Variants in RBAK observed in about 807,000 individuals in gnomAD.
The protein encoded by RBAK is RB-associated KRAB zinc finger protein.
A neutral mutation model predicts 65.8 loss-of-function variants in RBAK; 39 were observed. The ratio of observed to expected loss-of-function variants is 0.59; its 90% confidence interval spans 0.46 to 0.77. The LOEUF is 0.77. Among genes scored for constraint, RBAK ranks in the 30% least tolerant of loss-of-function variants. The pLI is 0.00. For missense variants in RBAK, 884 were observed against 855.1 expected, an observed-to-expected ratio of 1.03 and a Z score of -0.42; for synonymous variants, 343 against 289.7, an observed-to-expected ratio of 1.18 and a Z score of -1.87.
chr7:5,063,577 A>T (rs1779132766), intron 4 of RBAK, 118 bp from the exon 5 acceptor site: 1 of 724,756 alleles, frequency 1.4e-6, no homozygotes, highest in Non-Finnish European at 2.2e-6. Flanking sequence ...ATTTTTATTT[A>T]TGGAGATTGG....
In RBAK at chr7:5,064,862, ATTCAGCC is replaced by A; in HGVS notation, c.1411_1417del (p.Ala471LeufsTer34). 6.2e-7 allele frequency: 1 copy of A among 1,614,054 alleles called. No homozygotes were observed. Among genetic ancestry groups the A allele is most frequent in the African/African-American group, 1.3e-5 (1 of 75,054 alleles). ...GAATGTGGCAAAACCTTCAATTTAA[ATTCAGCC>A]TTCATTAGACATCGGAAAGTACACA... On this transcript the variant is annotated frameshift_variant, in exon 5 of 5. Transcript: ENST00000396912. LOFTEE classifies it high-confidence loss of function. The surrounding 1 kb of genome is among the most constrained non-coding windows in gnomAD (Gnocchi z 6.3).
Position 5,063,442 on chromosome 7 carries a change from C to G in RBAK, c.239-253C>G, listed in dbSNP as rs182643328. 7.9e-3 allele frequency among the ~76,000 whole-genome samples: 1,180 copies of G among 150,238 alleles called. 7 individuals are homozygous for G. The highest frequency in any genetic ancestry group is 0.013 in the Non-Finnish European group (870 of 67,722). ...CTGTATTCAATATGAATTTACTCTT[C>G]TATTTTCTACCACTGTCTCACCTTA... On this transcript the variant is annotated intron_variant, in intron 4 of 4. Transcript: ENST00000396912.
At chr7:5,060,621 CA>C (rs1273815988) in intron 4 of RBAK, among the ~76,000 whole-genome samples, 3 of 152,296 alleles carry the variant, frequency 2.0e-5, no homozygotes, top group African/African-American at 7.2e-5. Context: ...TGAGTATAGC[CA>C]ACACCAGGAG....
intron 2 of RBAK, among the ~76,000 whole-genome samples, chr7:5,054,237 T>C (rs1329625508): frequency 6.6e-6 from 1 of 152,034 alleles, no homozygotes; most frequent in African/African-American, 2.4e-5. Flanking sequence ...AAACCCCTTC[T>C]ATACTAAAAA....
At position 5,064,195 on chromosome 7, in the gene RBAK, A is replaced by G; in HGVS notation, c.739A>G (p.Asn247Asp). Residue 247 changes from asparagine (N) to aspartate (D), a missense_variant, in exon 5 of 5, where the codon AAT (asparagine) becomes GAT (aspartate). By Grantham distance (23) the Asn-to-Asp change is conservative (BLOSUM62 1). Transcript: ENST00000396912. This position sits in a 1 kb window ranked among gnomAD's most constrained non-coding sequence, Gnocchi z 6.3. ...DSGPDFIQMS[N>D]FNAYQRSQME... ...TGGACCAGACTTCATACAGATGTCA[A>G]ATTTTAATGCATATCAGAGATCACA... 1 of 1,613,970 alleles carries G rather than the reference A, an allele frequency of 6.2e-7. No homozygotes were observed. Among genetic ancestry groups the G allele is most frequent in the Non-Finnish European group, 8.5e-7 (1 of 1,179,958 alleles).
intron 4 of RBAK, among the ~76,000 whole-genome samples, chr7:5,061,873 G>A: frequency 6.6e-6 from 1 of 151,730 alleles, no homozygotes; most frequent in Non-Finnish European, 1.5e-5. Flanking sequence ...ATTCCAGCCT[G>A]GGTGATAGAG....
intron 4 of RBAK, among the ~76,000 whole-genome samples, chr7:5,058,067 G>A (rs917308554): frequency 3.5e-4 from 11 of 31,752 alleles, no homozygotes; most frequent in African/African-American, 2.3e-3. Context: ...TTTTGGGTTT[G>A]TTTGTTTGTT....
chr7:5,058,062 GGTTT>G (rs71535174), intron 4 of RBAK, among the ~76,000 whole-genome samples: 80,870 of 150,476 alleles, frequency 0.54, 21,954 homozygotes, highest in East Asian at 0.64. Context: ...AATTGTTTTG[GGTTT>G]GTTTGTTTGT....
rs1583464778 is a variant in RBAK at position 5,065,628 on chromosome 7, C to T, written c.*27C>T. ...GTCAGATCTCAATTTTTAGAAAACTCTCTGAATATAATGAATATGGGGAAT... is the reference window on the plus strand; with the variant it reads ...GTCAGATCTCAATTTTTAGAAAACTTTCTGAATATAATGAATATGGGGAAT... On this transcript the variant is annotated 3_prime_UTR_variant, in exon 5 of 5. Coordinates refer to ENST00000396912, the MANE Select transcript of RBAK (RefSeq NM_021163.4). This position sits in a 1 kb window ranked among gnomAD's most constrained non-coding sequence, Gnocchi z 5.3. 1 of 1,441,460 alleles carries T rather than the reference C, an allele frequency of 6.9e-7. No individual in the cohort carries two copies. The allele number at this position is 1,441,460 out of a possible 1,614,324, so 89.3% of individuals were successfully genotyped here.
At chr7:5,050,333 C>T (rs1255571754) in intron 2 of RBAK, among the ~76,000 whole-genome samples, 1 of 152,154 alleles carries the variant, frequency 6.6e-6, no homozygotes, top group African/African-American at 2.4e-5. Context: ...AAAAATATAT[C>T]TTTTATGCCT....
rs762425242 is a variant in RBAK, at chr7:5,048,141, A to G, written c.15+50A>G. On this transcript the variant is annotated intron_variant, in intron 2 of 4. Coordinates refer to ENST00000396912, the MANE Select transcript of RBAK (RefSeq NM_021163.4). The surrounding 1 kb of genome is among the most constrained non-coding windows in gnomAD (Gnocchi z 4.4). ...GTTCCTCAACTTTATTTTATGATGC[A>G]TTTTAAGAGGTTTGTAAGGATTCTT... is the stretch of plus-strand genomic sequence containing the variant. 2.0e-5 allele frequency: 31 copies of G among 1,569,072 alleles called. No individual in the cohort carries two copies. Among genetic ancestry groups the G allele is most frequent in the Non-Finnish European group, 2.6e-5 (30 of 1,162,552 alleles).
rs752279207 is a variant in RBAK at position 5,063,857 on chromosome 7, C to T, written c.401C>T (p.Ala134Val). 10 of 1,613,892 alleles carry T rather than the reference C, an allele frequency of 6.2e-6. No homozygotes were observed. The highest frequency in any genetic ancestry group is 7.6e-6 in the Non-Finnish European group (9 of 1,180,004). The change falls in exon 5 of 5, where the codon GCT (alanine) becomes GTT (valine). Residue 134 changes from alanine to valine, a missense_variant. Coordinates refer to ENST00000396912, the MANE Select transcript of RBAK (RefSeq NM_021163.4). ...AGCCTTGTTCCTTCAAGCATAATAG[C>T]TCATAATTGTGTCTCATGTGGAAAG... ...ETSLVPSSIIAHNCVSCGKNL... is the reference protein window; with the variant it reads ...ETSLVPSSIIVHNCVSCGKNL...
intron 4 of RBAK, among the ~76,000 whole-genome samples, chr7:5,061,123 C>A (rs904335098): frequency 1.3e-5 from 2 of 152,192 alleles, no homozygotes; most frequent in Non-Finnish European, 2.9e-5. Flanking sequence ...ACTTAATGAG[C>A]ATTTGTTTTA....
Position 5,066,435 on chromosome 7 carries a change from T to C in RBAK, c.*834T>C, listed in dbSNP as rs573039602. The C allele has an allele frequency of 9.4e-5, 14 of 149,272 alleles. No individual in the cohort carries two copies. The highest frequency in any genetic ancestry group is 3.5e-4 in the African/African-American group (14 of 39,910). 9.2% of individuals were successfully genotyped at this position (149,272 alleles called of 1,614,324 possible). On this transcript the variant is annotated 3_prime_UTR_variant, in exon 5 of 5. Coordinates refer to ENST00000396912, the MANE Select transcript of RBAK (RefSeq NM_021163.4). Reference sequence around the variant, plus strand: ...ACTATACATACATAATTTGGAATTGTTTAAGTCTATTTCAGTGAAAGAGAA... The same window carrying C: ...ACTATACATACATAATTTGGAATTGCTTAAGTCTATTTCAGTGAAAGAGAA...
At chr7:5,055,218 C>T (rs1430930329) in intron 2 of RBAK, among the ~76,000 whole-genome samples, 1 of 151,270 alleles carries the variant, frequency 6.6e-6, no homozygotes, top group Non-Finnish European at 1.5e-5. Flanking sequence ...AAAATCCTGA[C>T]TTTTGGACCG....
chr7:5,060,950 T>C (rs900857391), intron 4 of RBAK, among the ~76,000 whole-genome samples: 4 of 152,152 alleles, frequency 2.6e-5, no homozygotes, highest in African/African-American at 9.7e-5. Context: ...AAGTACATCA[T>C]AGGGGCAGCT....
chr7:5,054,330 G>A (rs908754394), intron 2 of RBAK, among the ~76,000 whole-genome samples: 8 of 151,714 alleles, frequency 5.3e-5, no homozygotes, highest in Non-Finnish European at 7.4e-5. Context: ...GCTGGAACCC[G>A]GGAGACGGAG....
chr7:5,053,193 C>T (rs1217498756), intron 2 of RBAK, among the ~76,000 whole-genome samples: 6 of 152,194 alleles, frequency 3.9e-5, no homozygotes, highest in Non-Finnish European at 8.8e-5. Context: ...CTTTCTTTAA[C>T]ATTTCTTCTA....
Position 5,048,229 on chromosome 7 carries a change from G to C in RBAK, c.15+138G>C. ...GCTCTGTTGCCCAGGCTGGAGTGCA[G>C]TGGCATGATCTCGCTTCACTGCAAC... is the stretch of plus-strand genomic sequence containing the variant. On this transcript the variant is annotated intron_variant, in intron 2 of 4. Transcript: ENST00000396912. The surrounding 1 kb of genome is among the most constrained non-coding windows in gnomAD (Gnocchi z 4.4). The C allele has an allele frequency of 8.0e-7, 1 of 1,251,768 alleles. No individual in the cohort carries two copies. Among genetic ancestry groups the C allele is most frequent in the Admixed American group, 2.4e-5 (1 of 42,470 alleles). 77.5% of individuals were successfully genotyped at this position (1,251,768 alleles called of 1,614,324 possible). A position where few individuals can be genotyped will look rare whatever the true frequency, so the allele number is the denominator to read the frequency against.
Sources: allele counts gnomAD v4.1 joint callset (sites outside exome capture counted in the v4.1 genomes callset), GRCh38; gene constraint gnomAD v4.1.1; non-coding constraint Gnocchi (gnomAD v3.1); transcripts MANE v1.5; gene names NCBI Gene and HGNC (gene_info 2026-07-23, HGNC 2026-07-21).